The following PPP2R5E variants were observed in gnomAD, a reference collection of about 807,000 sequenced individuals.
The protein encoded by PPP2R5E is protein phosphatase 2 regulatory subunit B'epsilon.
PPP2R5E carries 4 observed loss-of-function variants against 65.3 expected under a neutral mutation model. The ratio of observed to expected loss-of-function variants is 0.06; its 90% CI spans 0.03 to 0.14. The LOEUF is 0.14. PPP2R5E is among the 10% of genes least tolerant of loss of function. The pLI, the probability that PPP2R5E is intolerant of heterozygous loss-of-function variation, is 1.00. For missense variants in PPP2R5E, 274 were observed against 556.1 expected (o/e 0.49, Z 5.10); for synonymous variants, 183 against 187.4 (o/e 0.98, Z 0.19).
At chr14:63,430,633 A>T (rs1258219999) in intron 3 of PPP2R5E, among the ~76,000 whole-genome samples, 2 of 152,214 alleles carry the variant, frequency 1.3e-5, no homozygotes, top group Non-Finnish European at 1.5e-5. Context: ...ATTATTGATA[A>T]ATAAACATAG....
At chr14:63,447,157 C>T (rs1217833733) in intron 3 of PPP2R5E, among the ~76,000 whole-genome samples, 1 of 152,198 alleles carries the variant, frequency 6.6e-6, no homozygotes, top group Non-Finnish European at 1.5e-5. Context: ...GGCATTAGTT[C>T]CTAACAAGAG....
Position 63,459,946 on chromosome 14 carries a change from G to A in PPP2R5E, c.158-6061C>T, listed in dbSNP as rs1889361197. ...TTGGCCTTGGCTATAATAGGTGAAT[G>A]TCGAGTTGGCTGCTTTTAGAAATCT... On this transcript the variant is annotated intron_variant, in intron 2 of 13. Transcript: ENST00000337537. Among the ~76,000 whole-genome samples, 4 of 152,290 alleles carry A rather than the reference G, an allele frequency of 2.6e-5. No homozygotes were observed. In the South Asian group the frequency reaches 6.2e-4, roughly 24 times the overall value.
chr14:63,372,817 G>C lies in PPP2R5E; in HGVS notation c.*3192C>G, dbSNP rs1004737578. On this transcript the variant is annotated 3_prime_UTR_variant, in exon 14 of 14. Coordinates refer to ENST00000337537, the MANE Select transcript of PPP2R5E (RefSeq NM_006246.5). Reference sequence around the variant, plus strand: ...ACCCTGGACTATCCCACGCATAGGAGGTACAAAATAAATTAAACCCTTTCA... The same window carrying C: ...ACCCTGGACTATCCCACGCATAGGACGTACAAAATAAATTAAACCCTTTCA... The C allele has an allele frequency of 6.6e-6, 1 of 152,132 alleles. No individual in the cohort carries two copies. Among genetic ancestry groups the C allele is most frequent in the African/African-American group, 2.4e-5 (1 of 41,428 alleles). The allele number at this position is 152,132 out of a possible 1,614,324, so 9.4% of individuals were successfully genotyped here. A position where few individuals can be genotyped will look rare whatever the true frequency, so the allele number is the denominator to read the frequency against.
In PPP2R5E at chr14:63,372,405, A is replaced by G. The variant is rs1288696962; in HGVS notation, c.*3604T>C. Reference sequence around the variant, plus strand: ...GAAGCAGCTGAGCCAGAATACAAAAATAAAAATATTGATGTGCAAATAAAA... The same window carrying G: ...GAAGCAGCTGAGCCAGAATACAAAAGTAAAAATATTGATGTGCAAATAAAA... On this transcript the variant is annotated 3_prime_UTR_variant, in exon 14 of 14. Coordinates refer to ENST00000337537, the MANE Select transcript of PPP2R5E (RefSeq NM_006246.5). 2 of 152,204 alleles carry G rather than the reference A, an allele frequency of 1.3e-5. No individual in the cohort carries two copies. The highest frequency in any genetic ancestry group is 6.5e-5 in the Admixed American group (1 of 15,270). The allele number at this position is 152,204 out of a possible 1,614,324, so 9.4% of individuals were successfully genotyped here.
chr14:63,526,854 C>T (rs530878383), intron 2 of PPP2R5E, among the ~76,000 whole-genome samples: 25 of 152,324 alleles, frequency 1.6e-4, no homozygotes, highest in African/African-American at 6.0e-4. Flanking sequence ...AGCTACTGCG[C>T]CCAGCCTAAC....
chr14:63,446,841 A>G (rs1888505487), intron 3 of PPP2R5E, among the ~76,000 whole-genome samples: 1 of 151,894 alleles, frequency 6.6e-6, no homozygotes, highest in South Asian at 2.1e-4. Flanking sequence ...AAAAAAAAAA[A>G]AAAAAAGAAA....
At position 63,421,541 on chromosome 14, in the gene PPP2R5E, T is replaced by C. The variant is rs117434853; in HGVS notation, c.456+452A>G. Among the ~76,000 whole-genome samples, 1,115 of 152,302 alleles carry C rather than the reference T, an allele frequency of 7.3e-3. 41 individuals are homozygous for C. In the East Asian group the frequency reaches 0.074, roughly 10 times the overall value. On this transcript the variant is annotated intron_variant, in intron 4 of 13. Coordinates refer to ENST00000337537, the MANE Select transcript of PPP2R5E (RefSeq NM_006246.5). ...TACAGTACTGTGAACGAAATAGCTATTACAGTTTGGTTTTGTCCTTCTAAC... is the reference window on the plus strand; with the variant it reads ...TACAGTACTGTGAACGAAATAGCTACTACAGTTTGGTTTTGTCCTTCTAAC...
intron 2 of PPP2R5E, among the ~76,000 whole-genome samples, chr14:63,488,857 AAATT>A (rs1436567236): frequency 3.3e-5 from 5 of 151,120 alleles, no homozygotes; most frequent in African/African-American, 1.2e-4. Flanking sequence ...TTAAATAAAT[AAATT>A]AATTTAATTA....
chr14:63,519,469 T>G (rs981072557), intron 2 of PPP2R5E, among the ~76,000 whole-genome samples: 1 of 150,548 alleles, frequency 6.6e-6, no homozygotes, highest in Non-Finnish European at 1.5e-5. Context: ...TCCCCCCGAG[T>G]AGCTGCGATT....
chr14:63,384,396 A>C, intron 12 of PPP2R5E, 48 bp downstream of exon 12: 3 of 1,578,770 alleles, frequency 1.9e-6, no homozygotes, highest in Non-Finnish European at 2.6e-6. Context: ...AAGGGAAAGA[A>C]AGAGAGGAAG....
Position 63,485,604 on chromosome 14 carries a change from G to A in PPP2R5E, c.158-31719C>T, listed in dbSNP as rs574320760. ...TAATTTTGTATTTTTAGTAGAGACGGGGTTTCTCCATGTTGGTCAGGCTGG... is the reference window on the plus strand; with the variant it reads ...TAATTTTGTATTTTTAGTAGAGACGAGGTTTCTCCATGTTGGTCAGGCTGG... On this transcript the variant is annotated intron_variant, in intron 2 of 13. Transcript: ENST00000337537. 7.2e-5 allele frequency among the ~76,000 whole-genome samples: 11 copies of A among 151,800 alleles called. No homozygotes were observed. The South Asian group carries it at 2.3e-3, about 32-fold the overall frequency.
intron 2 of PPP2R5E, among the ~76,000 whole-genome samples, chr14:63,497,544 T>C (rs1891629728): frequency 6.6e-6 from 1 of 151,640 alleles, no homozygotes; most frequent in African/African-American, 2.4e-5. Context: ...AGGTCAGGAG[T>C]TCGAGACCAG....
intron 2 of PPP2R5E, among the ~76,000 whole-genome samples, chr14:63,499,764 G>A (rs1267147177): frequency 6.6e-6 from 1 of 151,350 alleles, no homozygotes; most frequent in African/African-American, 2.4e-5. Flanking sequence ...AGGAATTTTT[G>A]CTCTGGATAA....
chr14:63,497,991 T>G (rs1426552693), intron 2 of PPP2R5E, among the ~76,000 whole-genome samples: 4 of 152,204 alleles, frequency 2.6e-5, no homozygotes, highest in Non-Finnish European at 5.9e-5. Context: ...AATAATACAT[T>G]TGGTATGTGG....
chr14:63,388,102 T>C (rs989086432), intron 11 of PPP2R5E, among the ~76,000 whole-genome samples: 44 of 151,144 alleles, frequency 2.9e-4, no homozygotes, highest in African/African-American at 1.0e-3. Flanking sequence ...TAGGCCTTTC[T>C]GGTGATGCTC....
intron 11 of PPP2R5E, among the ~76,000 whole-genome samples, chr14:63,387,269 C>A (rs1276684983): frequency 6.6e-6 from 1 of 152,252 alleles, no homozygotes; most frequent in African/African-American, 2.4e-5. Context: ...TTAACTCTAA[C>A]AACTTCCTTA....
chr14:63,529,330 C>T (rs1204457319), intron 2 of PPP2R5E, among the ~76,000 whole-genome samples: 1 of 151,302 alleles, frequency 6.6e-6, no homozygotes, highest in Non-Finnish European at 1.5e-5. Context: ...GCTGGGATTA[C>T]AGGCGTGAGC....
intron 2 of PPP2R5E, among the ~76,000 whole-genome samples, chr14:63,523,725 AAAAC>A (rs888523166): frequency 5.3e-5 from 8 of 150,798 alleles, no homozygotes; most frequent in South Asian, 2.1e-4. Flanking sequence ...ATTAAAAAAA[AAAAC>A]AAAGGTTACA....
intron 3 of PPP2R5E, among the ~76,000 whole-genome samples, chr14:63,441,915 A>C (rs1888260109): frequency 6.6e-6 from 1 of 152,004 alleles, no homozygotes; most frequent in Admixed American, 6.6e-5. Flanking sequence ...GTCTAAAAAA[A>C]AAAAAAAAAA....
Sources: allele counts gnomAD v4.1 joint callset (sites outside exome capture counted in the v4.1 genomes callset), GRCh38; gene constraint gnomAD v4.1.1; transcripts MANE v1.5; gene names NCBI Gene and HGNC (gene_info 2026-07-23, HGNC 2026-07-21).